The following FAM217B variants were observed in gnomAD, a reference collection of about 807,000 sequenced individuals.
FAM217B encodes family with sequence similarity 217 member B.
For missense variants in FAM217B, 463 were observed against 456.9 expected (o/e 1.01, Z -0.12); for synonymous variants, 163 against 173.0 (o/e 0.94, Z 0.45).
At position 59,945,717 on chromosome 20, in the gene FAM217B, A is replaced by C. The variant is rs944108479; in HGVS notation, c.*622A>C. 1 of 165,170 alleles carries C rather than the reference A, an allele frequency of 6.1e-6. No individual in the cohort carries two copies. Among genetic ancestry groups the C allele is most frequent in the Non-Finnish European group, 1.5e-5 (1 of 67,788 alleles). 10.2% of individuals were successfully genotyped at this position (165,170 alleles called of 1,614,324 possible). A position where few individuals can be genotyped will look rare whatever the true frequency, so the allele number is the denominator to read the frequency against. ...ACAGTGGAATCTAGTACTTTAATAC[A>C]TTTTCTCTGACATGGTTTTTTTTTT... On this transcript the variant is annotated 3_prime_UTR_variant, in exon 4 of 4. Coordinates refer to ENST00000360816, the MANE Select transcript of FAM217B (RefSeq NM_022106.3).
At position 59,944,070 on chromosome 20, in the gene FAM217B, C is replaced by T; in HGVS notation, c.127C>T (p.Pro43Ser). 6.2e-7 allele frequency: 1 copy of T among 1,614,122 alleles called. No homozygotes were observed. The highest frequency in any genetic ancestry group is 8.5e-7 in the Non-Finnish European group (1 of 1,180,016). Residue 43 changes from proline (P) to serine (S), a missense_variant, in exon 4 of 4, where the codon CCT becomes TCT. Physicochemically the swap from Pro to Ser is moderately conservative, Grantham distance 74. Transcript: ENST00000360816. ...AAGCAGCCTCACAGCTGTCACCCAG[C>T]CTACTGAAGAAAAACTTAAAGAAAG... ...PRSSLTAVTQ[P>S]TEEKLKESIS...
At chr20:59,939,752 G>A (rs2060888036), upstream of FAM217B, 2 of 1,225,112 alleles carry the variant, frequency 1.6e-6, no homozygotes, top group East Asian at 3.3e-5. Flanking sequence ...GGCGGGGGTC[G>A]CAGCCCGACG....
upstream of FAM217B, chr20:59,939,758 C>G (rs2060888144): frequency 8.2e-7 from 1 of 1,224,672 alleles, no homozygotes; most frequent in Non-Finnish European, 1.0e-6. Context: ...GGTCGCAGCC[C>G]GACGGCGCTG....
intron 1 of FAM217B, among the ~76,000 whole-genome samples, chr20:59,935,359 G>C (rs1016236061): frequency 6.6e-6 from 1 of 152,002 alleles, no homozygotes; most frequent in Non-Finnish European, 1.5e-5. Context: ...GGATTATTTA[G>C]TAAACATCCG....
At chr20:59,935,189 C>T (rs2060852496) in intron 1 of FAM217B, among the ~76,000 whole-genome samples, 1 of 152,174 alleles carries the variant, frequency 6.6e-6, no homozygotes, top group African/African-American at 2.4e-5. Context: ...ACCTAGTTTT[C>T]CGCCAATAGA....
At chr20:59,942,815 A>G (rs1183889429) in intron 3 of FAM217B, among the ~76,000 whole-genome samples, 2 of 152,194 alleles carry the variant, frequency 1.3e-5, no homozygotes, top group African/African-American at 4.8e-5. Context: ...TTATGGATGC[A>G]TACTGACAGG....
At position 59,944,706 on chromosome 20, in the gene FAM217B, G is replaced by A. The variant is rs1356255773; in HGVS notation, c.763G>A (p.Glu255Lys). 1 of 1,613,970 alleles carries A rather than the reference G, an allele frequency of 6.2e-7. No individual in the cohort carries two copies. The highest frequency in any genetic ancestry group is 8.5e-7 in the Non-Finnish European group (1 of 1,179,956). The part of the protein sequence containing the change: ...GPSRKKAFHH[E>K]EIHPSHYAFE... ...TTCCCGAAAGAAAGCTTTTCACCAT[G>A]AAGAAATCCACCCATCACATTATGC... Residue 255 changes from glutamate to lysine, a missense_variant, in exon 4 of 4, where the codon GAA (glutamate) becomes AAA (lysine). Coordinates refer to ENST00000360816, the MANE Select transcript of FAM217B (RefSeq NM_022106.3).
At chr20:59,940,165 G>C (rs1287014052), upstream of FAM217B, 3 of 393,826 alleles carry the variant, frequency 7.6e-6, no homozygotes, top group East Asian at 1.2e-4. Flanking sequence ...TTTTTCTCTA[G>C]TGGAAGCTTT....
At chr20:59,941,812 A>G (rs1344216740) in intron 1 of FAM217B, among the ~76,000 whole-genome samples, 1 of 152,202 alleles carries the variant, frequency 6.6e-6, no homozygotes, top group Non-Finnish European at 1.5e-5. Flanking sequence ...TGATTGGGCA[A>G]TGCAATGATT....
At chr20:59,934,430 C>A (rs998142655) in intron 1 of FAM217B, among the ~76,000 whole-genome samples, 1 of 152,168 alleles carries the variant, frequency 6.6e-6, no homozygotes, top group African/African-American at 2.4e-5. Flanking sequence ...GTGTTCGGCG[C>A]TCAGTCTTCT....
rs571494760 is a variant in FAM217B at position 59,948,466 on chromosome 20, C to G, written c.*3371C>G. Reference sequence around the variant, plus strand: ...CATAGAAATATAACTCTTGGTGGTACTGTATTTTAAGGTAATTCAGAAGCA... The same window carrying G: ...CATAGAAATATAACTCTTGGTGGTAGTGTATTTTAAGGTAATTCAGAAGCA... On this transcript the variant is annotated 3_prime_UTR_variant, in exon 4 of 4. Transcript: ENST00000360816. 3 of 166,838 alleles carry G rather than the reference C, an allele frequency of 1.8e-5. No individual in the cohort carries two copies. In the Admixed American group the frequency reaches 2.0e-4, roughly 11 times the overall value. 10.3% of individuals were successfully genotyped at this position (166,838 alleles called of 1,614,324 possible). A position where few individuals can be genotyped will look rare whatever the true frequency, so the allele number is the denominator to read the frequency against.
chr20:59,935,365 A>G (rs2060854881), intron 1 of FAM217B, among the ~76,000 whole-genome samples: 1 of 152,234 alleles, frequency 6.6e-6, no homozygotes. Flanking sequence ...TTTAGTAAAC[A>G]TCCGTAAACT....
chr20:59,941,892 T>C lies in FAM217B; in HGVS notation c.-202-306T>C, dbSNP rs536232540. Among the ~76,000 whole-genome samples, 3 of 152,116 alleles carry C rather than the reference T, an allele frequency of 2.0e-5. No individual in the cohort carries two copies. In the South Asian group the frequency reaches 6.2e-4, roughly 32 times the overall value. Reference sequence around the variant, plus strand: ...TTCAACATATTATTTCCAAGGAAGATTATACCTGTGTGTGAACAGGGAGAG... The same window carrying C: ...TTCAACATATTATTTCCAAGGAAGACTATACCTGTGTGTGAACAGGGAGAG... On this transcript the variant is annotated intron_variant, in intron 1 of 3. Transcript: ENST00000360816.
At chr20:59,940,031 A>C, upstream of FAM217B, 1 of 1,022,410 alleles carries the variant, frequency 9.8e-7, no homozygotes, top group African/African-American at 1.7e-5. Context: ...AGTCCACCGT[A>C]TCTGCAACCT....
chr20:59,939,358 T>C (rs2060883511), upstream of FAM217B: 3 of 1,610,760 alleles, frequency 1.9e-6, no homozygotes, highest in African/African-American at 1.3e-5. Flanking sequence ...ACGCGCACCG[T>C]ACCGCTGATG....
Position 59,944,236 on chromosome 20 carries a change from C to T in FAM217B, c.293C>T (p.Ser98Phe), listed in dbSNP as rs757314453. ...NADEDSASDL[S>F]DSERIPIPPS... ...GATGAGGACAGTGCAAGTGATCTCT[C>T]TGATTCGGAAAGAATTCCCATTCCT... Residue 98 changes from serine (S) to phenylalanine (F), a missense_variant, in exon 4 of 4, where the codon TCT becomes TTT. Transcript: ENST00000360816. 3 of 1,614,192 alleles carry T rather than the reference C, an allele frequency of 1.9e-6. No individual in the cohort carries two copies. The highest frequency in any genetic ancestry group is 2.5e-6 in the Non-Finnish European group (3 of 1,180,036).
rs200236348 is a variant in FAM217B, at chr20:59,944,618, G to C, written c.675G>C (p.Lys225Asn). The C allele has an allele frequency of 1.2e-4, 201 of 1,613,970 alleles. No homozygotes were observed. The highest frequency in any genetic ancestry group is 1.6e-4 in the Non-Finnish European group (188 of 1,180,034). Residue 225 changes from lysine (K) to asparagine (N), a missense_variant, in exon 4 of 4, where the codon AAG becomes AAC. Transcript: ENST00000360816. ...CACTGAAAAGCCCTGGGAGAAGTAA[G>C]CTAATTGCTAGTGCTCTGTCCAAGC... is the stretch of plus-strand genomic sequence containing the variant. ...SGALKSPGRSKLIASALSKPL... is the reference protein window; with the variant it reads ...SGALKSPGRSNLIASALSKPL...
chr20:59,940,053 C>G (rs937654683), upstream of FAM217B: 11 of 847,004 alleles, frequency 1.3e-5, no homozygotes, highest in East Asian at 1.4e-4. Context: ...CGGGGGACCT[C>G]TCGGGCCCGG....
At chr20:59,941,236 G>C (rs938374392) in intron 1 of FAM217B, among the ~76,000 whole-genome samples, 5 of 152,164 alleles carry the variant, frequency 3.3e-5, no homozygotes, top group Non-Finnish European at 5.9e-5. Context: ...CCATTAAGAA[G>C]GTTCCTTTTT....
Sources: allele counts gnomAD v4.1 joint callset (sites outside exome capture counted in the v4.1 genomes callset), GRCh38; gene constraint gnomAD v4.1.1; transcripts MANE v1.5; gene names NCBI Gene and HGNC (gene_info 2026-07-23, HGNC 2026-07-21).